Variants in NOX4 observed in about 807,000 individuals in gnomAD.
NOX4 encodes the protein NADPH oxidase 4, also known as kidney oxidase-1.
A neutral mutation model predicts 87.6 loss-of-function variants in NOX4; 69 were observed. The ratio of observed to expected loss-of-function variants is 0.79; its 90% CI spans 0.65 to 0.96. The LOEUF is 0.96. NOX4 is among the 40% of genes least tolerant of loss of function. The probability of loss-of-function intolerance (pLI) is 0.00; values close to 1 mark genes in which losing one functional copy is unlikely to be tolerated. For missense variants in NOX4, 680 were observed against 681.5 expected, an observed-to-expected ratio of 1.00 and a Z score of 0.02; for synonymous variants, 275 against 238.2, an observed-to-expected ratio of 1.15 and a Z score of -1.42.
rs761168010 is a variant in NOX4 at position 89,373,510 on chromosome 11, A to G, written c.1075-18T>C. 9 of 1,466,158 alleles carry G rather than the reference A, an allele frequency of 6.1e-6. No individual in the cohort carries two copies. The Admixed American group carries it at 6.8e-5, about 11-fold the overall frequency. The allele number at this position is 1,466,158 out of a possible 1,614,324, so 90.8% of individuals were successfully genotyped here. A position where few individuals can be genotyped will look rare whatever the true frequency, so the allele number is the denominator to read the frequency against. ...GTTGGACACTAAAAAAAAATACTAG[A>G]ATCAATTGTGATTAATAATTACATA... On this transcript the variant is annotated intron_variant, in intron 11 of 17. Transcript: ENST00000263317.
At chr11:89,337,995 G>T (rs1217975708) in intron 15 of NOX4, among the ~76,000 whole-genome samples, 1 of 151,872 alleles carries the variant, frequency 6.6e-6, no homozygotes, top group Non-Finnish European at 1.5e-5. Context: ...ATTCAATAAT[G>T]GGCTCTGGTT....
the NOX4 span, among the ~76,000 whole-genome samples, chr11:89,526,154 T>C: frequency 2.0e-5 from 3 of 152,204 alleles, no homozygotes; most frequent in Non-Finnish European, 4.4e-5. Context: ...GCTTTTCTTT[T>C]TAAAATTTTT....
At chr11:89,512,497 T>C in the NOX4 span, among the ~76,000 whole-genome samples, 1 of 152,076 alleles carries the variant, frequency 6.6e-6, no homozygotes, top group African/African-American at 2.4e-5. Context: ...CCTTCTTAGG[T>C]AACTCATGTA....
At chr11:89,545,086 T>A in the NOX4 span, 1 of 152,172 alleles carries the variant, frequency 6.6e-6, no homozygotes, top group African/African-American at 2.4e-5. Context: ...GTAAGTTGAA[T>A]AGAAGGAAAC....
chr11:89,390,979 C>T (rs977776857), intron 11 of NOX4, among the ~76,000 whole-genome samples: 4 of 152,102 alleles, frequency 2.6e-5, no homozygotes, highest in African/African-American at 7.2e-5. Context: ...TCTGTAGTTG[C>T]ACCCTCTAAG....
intron 12 of NOX4, among the ~76,000 whole-genome samples, chr11:89,357,266 G>A (rs1938139125): frequency 6.6e-6 from 1 of 151,720 alleles, no homozygotes; most frequent in African/African-American, 2.4e-5. Flanking sequence ...AGATGAGGAG[G>A]AACTAATGAG....
chr11:89,578,810 T>C, the NOX4 span, among the ~76,000 whole-genome samples: 1 of 152,216 alleles, frequency 6.6e-6, no homozygotes, highest in African/African-American at 2.4e-5. Flanking sequence ...TAATATGAAA[T>C]GTATTTCTTT....
chr11:89,448,660 T>C (rs1027012722), intron 4 of NOX4, among the ~76,000 whole-genome samples: 2 of 152,084 alleles, frequency 1.3e-5, no homozygotes, highest in Non-Finnish European at 2.9e-5. Context: ...GGCAAGCAAA[T>C]TGCTTGAGCT....
the NOX4 span, among the ~76,000 whole-genome samples, chr11:89,578,167 T>TC: frequency 1.7e-5 from 1 of 57,240 alleles, no homozygotes; most frequent in Admixed American, 1.5e-4. Flanking sequence ...ATTTAAATCT[T>TC]TTTTTTTTTT....
At chr11:89,543,030 C>T in the NOX4 span, among the ~76,000 whole-genome samples, 1 of 152,022 alleles carries the variant, frequency 6.6e-6, no homozygotes, top group Non-Finnish European at 1.5e-5. Flanking sequence ...GAAATGCCAT[C>T]ATGTAGAAAA....
chr11:89,585,702 G>A, the NOX4 span, among the ~76,000 whole-genome samples: 1 of 152,132 alleles, frequency 6.6e-6, no homozygotes, highest in Non-Finnish European at 1.5e-5. Flanking sequence ...CCTCCCGTAT[G>A]CCTTGTTTCA....
intron 2 of NOX4, among the ~76,000 whole-genome samples, chr11:89,465,739 A>G (rs182007520): frequency 6.6e-6 from 1 of 151,960 alleles, no homozygotes; most frequent in Non-Finnish European, 1.5e-5. Context: ...AGCAATGATG[A>G]GCATTTTTTC....
chr11:89,332,248 CT>C (rs1229317574), intron 17 of NOX4, among the ~76,000 whole-genome samples: 1 of 151,740 alleles, frequency 6.6e-6, no homozygotes, highest in Non-Finnish European at 1.5e-5. Context: ...ATGTGAGAGA[CT>C]AAACCTAGTT....
Position 89,355,418 on chromosome 11 carries a change from C to A in NOX4, c.1136-375G>T, listed in dbSNP as rs1429071566. On this transcript the variant is annotated intron_variant, in intron 12 of 17. Transcript: ENST00000263317. ...AATATACATAATATATACATTTCTA[C>A]ATATAGATATTTCTCATATATAAAT... Among the ~76,000 whole-genome samples the A allele has an allele frequency of 2.7e-5, 4 of 149,026 alleles. No individual in the cohort carries two copies. The South Asian group carries it at 8.4e-4, about 31-fold the overall frequency.
chr11:89,402,843 C>T (rs573143447), intron 8 of NOX4, among the ~76,000 whole-genome samples: 158 of 152,242 alleles, frequency 1.0e-3, no homozygotes, highest in African/African-American at 3.8e-3. Flanking sequence ...ATGGCCTTTA[C>T]TTCAAGACTA....
chr11:89,517,300 T>G, the NOX4 span, among the ~76,000 whole-genome samples: 644 of 152,184 alleles, frequency 4.2e-3, 5 homozygotes, highest in African/African-American at 0.015. Flanking sequence ...AGGTCTGGAT[T>G]ATCGAGTTTT....
chr11:89,488,757 A>T (rs1301621441), intron 2 of NOX4: 1 of 433,350 alleles, frequency 2.3e-6, no homozygotes, highest in Non-Finnish European at 4.0e-6. Context: ...TAGATGAGAT[A>T]AAGCTTCCAC....
At chr11:89,510,638 T>C in the NOX4 span, among the ~76,000 whole-genome samples, 63 of 152,112 alleles carry the variant, frequency 4.1e-4, no homozygotes, top group Middle Eastern at 6.8e-3. Flanking sequence ...CAGACACCCA[T>C]AGTTTAAGAA....
chr11:89,525,842 A>C, the NOX4 span, among the ~76,000 whole-genome samples: 1 of 152,218 alleles, frequency 6.6e-6, no homozygotes, highest in Non-Finnish European at 1.5e-5. Flanking sequence ...TTCTATGTTT[A>C]GATTTTATAT....
Sources: gnomAD v4.1 joint callset for allele counts (sites outside exome capture counted in the v4.1 genomes callset) on GRCh38, gnomAD v4.1.1 for gene constraint, MANE v1.5 for transcripts, NCBI Gene and HGNC (gene_info 2026-07-23, HGNC 2026-07-21) for gene names.